The following LZTFL1 variants were observed in gnomAD, a reference collection of about 807,000 sequenced individuals.
The protein encoded by LZTFL1 is leucine zipper transcription factor-like protein 1.
Under a neutral mutation model 45.9 loss-of-function variants are expected in LZTFL1, and 25 were observed. The observed-to-expected ratio is 0.54, with a 90% CI of 0.40 to 0.76. The LOEUF is 0.76. LZTFL1 is among the 30% of genes least tolerant of loss of function. LZTFL1 has a pLI of 0.00. For missense variants in LZTFL1, 277 were observed against 331.1 expected, an observed-to-expected ratio of 0.84 and a Z score of 1.27; for synonymous variants, 93 against 117.4, an observed-to-expected ratio of 0.79 and a Z score of 1.35.
At chr3:45,852,061 T>C (rs757912226) in intron 4 of LZTFL1, among the ~76,000 whole-genome samples, 1 of 152,182 alleles carries the variant, frequency 6.6e-6, no homozygotes, top group Non-Finnish European at 1.5e-5. Context: ...TCTTAACATA[T>C]GATCCTCCTG....
rs73830607 is a variant in LZTFL1 at position 45,893,681 on chromosome 3, C to T, written c.-215+19439G>A. Among the ~76,000 whole-genome samples, 494 of 152,316 alleles carry T rather than the reference C, an allele frequency of 3.2e-3. 3 individuals carry two copies. The highest frequency in any genetic ancestry group is 0.011 in the African/African-American group (455 of 41,570). ...ACGGATATTTCACAGTTAACTTATCCATTTACTACTTGATGGACATTTAGG... is the reference window on the plus strand; with the variant it reads ...ACGGATATTTCACAGTTAACTTATCTATTTACTACTTGATGGACATTTAGG... On this transcript the variant is annotated intron_variant, in intron 2 of 4. Coordinates refer to the LZTFL1 transcript ENST00000472635.
At chr3:45,878,498 G>T (rs901463160) in intron 2 of LZTFL1, among the ~76,000 whole-genome samples, 5 of 152,128 alleles carry the variant, frequency 3.3e-5, no homozygotes, top group Admixed American at 6.5e-5. Context: ...GTGGGGCAGG[G>T]TGAGGCTGGG....
chr3:45,859,301 C>T lies in LZTFL1; in HGVS notation c.-214-285G>A, dbSNP rs371069920. 2.6e-5 allele frequency among the ~76,000 whole-genome samples: 4 copies of T among 152,242 alleles called. No individual in the cohort carries two copies. The East Asian group carries it at 7.7e-4, about 29-fold the overall frequency. ...AGTGCAGTGGTGAGATAATAGCTCC[C>T]TGCAGCCTCTAACTCCTGGCCTCAA... On this transcript the variant is annotated intron_variant, in intron 2 of 4. Transcript: ENST00000472635.
At chr3:45,888,475 A>G (rs1171178939) in intron 2 of LZTFL1, among the ~76,000 whole-genome samples, 2 of 152,234 alleles carry the variant, frequency 1.3e-5, no homozygotes, top group African/African-American at 4.8e-5. Flanking sequence ...GAGGACATGG[A>G]TCATGTCTTA....
chr3:45,827,793 A>G (rs1372910339), intron 8 of LZTFL1, among the ~76,000 whole-genome samples: 2 of 152,176 alleles, frequency 1.3e-5, no homozygotes, highest in African/African-American at 4.8e-5. Context: ...ATAGTAGTGT[A>G]TTTTAGCAAA....
At chr3:45,885,252 T>C (rs985732779) in intron 2 of LZTFL1, among the ~76,000 whole-genome samples, 2 of 152,154 alleles carry the variant, frequency 1.3e-5, no homozygotes, top group African/African-American at 2.4e-5. Flanking sequence ...CACAAGAGTG[T>C]AGTCATGATT....
intron 2 of LZTFL1, chr3:45,883,803 G>T: frequency 1.8e-6 from 1 of 540,662 alleles, no homozygotes; most frequent in South Asian, 2.7e-5. Context: ...AAGGCCCCAA[G>T]ACCATGAAGA....
At chr3:45,899,952 T>G (rs1355842990) in intron 2 of LZTFL1, among the ~76,000 whole-genome samples, 1 of 152,168 alleles carries the variant, frequency 6.6e-6, no homozygotes, top group Non-Finnish European at 1.5e-5. Context: ...TGTGTATATA[T>G]GTGTGCATGC....
chr3:45,911,272 T>C (rs150415190), intron 2 of LZTFL1, among the ~76,000 whole-genome samples: 2 of 152,310 alleles, frequency 1.3e-5, no homozygotes, highest in Non-Finnish European at 2.9e-5. Flanking sequence ...GTGGCTACTC[T>C]GTAAATTAAC....
chr3:45,866,377 T>C (rs1701578113), intron 2 of LZTFL1, among the ~76,000 whole-genome samples: 1 of 152,192 alleles, frequency 6.6e-6, no homozygotes, highest in Admixed American at 6.5e-5. Context: ...ACGAAAAATT[T>C]AAAAGCCCCT....
chr3:45,851,383 C>T (rs112651385), intron 4 of LZTFL1, among the ~76,000 whole-genome samples: 50 of 152,008 alleles, frequency 3.3e-4, no homozygotes, highest in African/African-American at 1.1e-3. Flanking sequence ...CCTGCCACCA[C>T]GCCCAGCTCA....
rs115521943 is a variant in LZTFL1 at position 45,885,123 on chromosome 3, C to T, written c.-214-26107G>A. 5.5e-3 allele frequency among the ~76,000 whole-genome samples: 835 copies of T among 152,304 alleles called. 3 individuals are homozygous for T. Among genetic ancestry groups the T allele is most frequent in the African/African-American group, 0.019 (804 of 41,550 alleles). Reference sequence around the variant, plus strand: ...AAACCCAAGTGCACCTTCTGCATCCCTTTGCTCTACGGGAACTGAGGGTGA... The same window carrying T: ...AAACCCAAGTGCACCTTCTGCATCCTTTTGCTCTACGGGAACTGAGGGTGA... On this transcript the variant is annotated intron_variant, in intron 2 of 4. Transcript: ENST00000472635.
In LZTFL1 at chr3:45,900,876, AACTTCAACTTCACTG is replaced by A. The variant is rs1702528591; in HGVS notation, c.-215+12229_-215+12243del. 1 of 1,614,018 alleles carries A rather than the reference AACTTCAACTTCACTG, an allele frequency of 6.2e-7. No individual in the cohort carries two copies. Among genetic ancestry groups the A allele is most frequent in the Non-Finnish European group, 8.5e-7 (1 of 1,180,012 alleles). On this transcript the variant is annotated intron_variant, in intron 2 of 4. Transcript: ENST00000472635. The surrounding 1 kb of genome is among the most constrained non-coding windows in gnomAD (Gnocchi z 4.7). ...CACATCTTCCATGGAAGACTACGTT[AACTTCAACTTCACTG>A]ACTTCTACTGTGAGAAAAACAATGT...
chr3:45,835,501 CAAGA>C lies in LZTFL1; in HGVS notation c.323+85_323+88del. On this transcript the variant is annotated intron_variant, in intron 3 of 9. Coordinates refer to ENST00000296135, the MANE Select transcript of LZTFL1 (RefSeq NM_020347.4). ...CCCAAATTTCCTCACACACTAGCCC[CAAGA>C]AAATATGCAGCCAAAGATGTTCACT... 6 of 1,314,704 alleles carry C rather than the reference CAAGA, an allele frequency of 4.6e-6. No homozygotes were observed. The South Asian group carries it at 7.2e-5, about 16-fold the overall frequency. The allele number at this position is 1,314,704 out of a possible 1,614,324, so 81.4% of individuals were successfully genotyped here.
chr3:45,865,342 G>A (rs1701560691), intron 2 of LZTFL1, among the ~76,000 whole-genome samples: 1 of 152,234 alleles, frequency 6.6e-6, no homozygotes, highest in African/African-American at 2.4e-5. Flanking sequence ...AAAGATTGAG[G>A]TTTACATGCA....
At chr3:45,913,719 TC>T (rs928088112) in intron 1 of LZTFL1, among the ~76,000 whole-genome samples, 4 of 152,164 alleles carry the variant, frequency 2.6e-5, no homozygotes, top group African/African-American at 9.6e-5. Context: ...TGCCATTTTT[TC>T]CCCCACCCAT....
Position 45,859,437 on chromosome 3 carries a change from C to T in LZTFL1, c.-214-421G>A, listed in dbSNP as rs144629920. Among the ~76,000 whole-genome samples the T allele has an allele frequency of 7.9e-5, 12 of 152,172 alleles. No homozygotes were observed. In the East Asian group the frequency reaches 1.7e-3, roughly 22 times the overall value. On this transcript the variant is annotated intron_variant, in intron 2 of 4. Coordinates refer to the LZTFL1 transcript ENST00000472635. ...AGACAGCGTCTCGCTTTTTTGCCCA[C>T]GGTGGTTTCAAACTTCTGGGCTCAA...
chr3:45,901,130 C>T lies in LZTFL1; in HGVS notation c.-215+11990G>A. The T allele has an allele frequency of 6.2e-7, 1 of 1,614,114 alleles. No homozygotes were observed. Among genetic ancestry groups the T allele is most frequent in the Non-Finnish European group, 8.5e-7 (1 of 1,180,016 alleles). On this transcript the variant is annotated intron_variant, in intron 2 of 4. Transcript: ENST00000472635. This position sits in a 1 kb window ranked among gnomAD's most constrained non-coding sequence, Gnocchi z 4.3. ...TTGCTGCTGCTGACCAGTGGAAGTT[C>T]CAGACCTTCATGTGCAAGGTGGTCA...
chr3:45,828,308 G>T, intron 8 of LZTFL1, 131 bp downstream of exon 8: 1 of 749,868 alleles, frequency 1.3e-6, no homozygotes, highest in Non-Finnish European at 2.2e-6. Flanking sequence ...AGAACATATT[G>T]GCTAATACCT....
Sources: gnomAD v4.1 joint callset for allele counts (sites outside exome capture counted in the v4.1 genomes callset) on GRCh38, gnomAD v4.1.1 for gene constraint, Gnocchi (gnomAD v3.1) non-coding constraint, MANE v1.5 for transcripts, NCBI Gene and HGNC (gene_info 2026-07-23, HGNC 2026-07-21) for gene names.